Variants in RBPJ observed in about 807,000 individuals in gnomAD.
RBPJ encodes the protein recombination signal binding protein for immunoglobulin kappa J region.
A neutral mutation model predicts 67.8 loss-of-function variants in RBPJ; 9 were observed. The ratio of observed to expected loss-of-function variants is 0.13; its 90% CI spans 0.08 to 0.23. The LOEUF (loss-of-function observed/expected upper bound fraction) is 0.23, where lower values mean the gene tolerates loss of function less well. Ranked by LOEUF, RBPJ falls within the 10% of genes least tolerant of loss-of-function variation. The probability of loss-of-function intolerance (pLI) is 1.00; values close to 1 mark genes in which losing one functional copy is unlikely to be tolerated. For synonymous variants in RBPJ, 198 were observed against 203.3 expected, an observed-to-expected ratio of 0.97 and a Z score of 0.22; for missense variants, 305 against 595.6, an observed-to-expected ratio of 0.51 and a Z score of 5.08.
chr4:26,252,054 G>T lies in RBPJ; in HGVS notation c.-167+88440G>T, dbSNP rs1381067316. On this transcript the variant is annotated intron_variant, in intron 1 of 4. Transcript: ENST00000512351. The stretch of plus-strand genomic sequence containing the variant: ...TGTTTTGGGTTCTATCATTGCATAT[G>T]TAAAAACTATAACAAGTTTTAACTA... 2.7e-5 allele frequency among the ~76,000 whole-genome samples: 4 copies of T among 149,562 alleles called. No homozygotes were observed. In the East Asian group the frequency reaches 7.8e-4, roughly 29 times the overall value.
chr4:26,276,132 G>A (rs1280713071), intron 1 of RBPJ, among the ~76,000 whole-genome samples: 5 of 150,844 alleles, frequency 3.3e-5, no homozygotes, highest in East Asian at 2.0e-4. Context: ...AAAATTAGCC[G>A]AGCATGGTGG....
intron 1 of RBPJ, among the ~76,000 whole-genome samples, chr4:26,362,179 C>G (rs75846757): frequency 6.6e-6 from 1 of 152,164 alleles, no homozygotes; most frequent in Non-Finnish European, 1.5e-5. Flanking sequence ...TCAGACCAGT[C>G]TTTTAAGTAA....
At chr4:26,206,615 C>G (rs1718177471) in intron 1 of RBPJ, among the ~76,000 whole-genome samples, 1 of 152,064 alleles carries the variant, frequency 6.6e-6, no homozygotes, top group African/African-American at 2.4e-5. Context: ...AATGGGTTGC[C>G]AAGACCAATA....
At chr4:26,137,413 C>T in the RBPJ span, among the ~76,000 whole-genome samples, 1 of 152,164 alleles carries the variant, frequency 6.6e-6, no homozygotes, top group Non-Finnish European at 1.5e-5. Flanking sequence ...TCTTTCTTGG[C>T]TCTAAACAAA....
intron 1 of RBPJ, among the ~76,000 whole-genome samples, chr4:26,215,958 T>A (rs1305322721): frequency 1.3e-5 from 2 of 152,076 alleles, no homozygotes; most frequent in Non-Finnish European, 2.9e-5. Context: ...CAACAGAAAT[T>A]TACTCTGTCA....
chr4:26,238,960 G>A (rs1719544797), intron 1 of RBPJ, among the ~76,000 whole-genome samples: 1 of 152,114 alleles, frequency 6.6e-6, no homozygotes, highest in African/African-American at 2.4e-5. Flanking sequence ...AGCAGACGCA[G>A]AAGAAAACAC....
chr4:26,143,075 A>G, the RBPJ span, among the ~76,000 whole-genome samples: 2 of 152,190 alleles, frequency 1.3e-5, no homozygotes, highest in African/African-American at 4.8e-5. Context: ...GCATTTCACT[A>G]TGTAATGACT....
intron 1 of RBPJ, among the ~76,000 whole-genome samples, chr4:26,223,142 G>T (rs1420692910): frequency 7.0e-6 from 1 of 143,624 alleles, no homozygotes; most frequent in Non-Finnish European, 1.5e-5. Context: ...GCAACAGTGC[G>T]AGACACTGTC....
rs1367366216 is a variant in RBPJ, at chr4:26,422,535, A to G, written c.497-1807A>G. 1.3e-5 allele frequency among the ~76,000 whole-genome samples: 2 copies of G among 152,116 alleles called. 1 individual carries two copies. Among genetic ancestry groups the G allele is most frequent in the Non-Finnish European group, 2.9e-5 (2 of 68,020 alleles). On this transcript the variant is annotated intron_variant, in intron 5 of 10. Coordinates refer to ENST00000355476, the MANE Select transcript of RBPJ (RefSeq NM_015874.6). ...ATAATAACATTCCTTGAAAGTGACC[A>G]GTGGGGTTTTAGGGTTTTTGTTTTG...
Position 26,431,930 on chromosome 4 carries a change from G to T in RBPJ, c.*923G>T, listed in dbSNP as rs565340668. Reference sequence around the variant, plus strand: ...ATTTAGCTATTAATGAGTTAATGGCGCAGAACTTGTTGATATTTGAAGTGT... The same window carrying T: ...ATTTAGCTATTAATGAGTTAATGGCTCAGAACTTGTTGATATTTGAAGTGT... On this transcript the variant is annotated 3_prime_UTR_variant, in exon 11 of 11. Coordinates refer to ENST00000355476, the MANE Select transcript of RBPJ (RefSeq NM_015874.6). 1 of 152,136 alleles carries T rather than the reference G, an allele frequency of 6.6e-6. No individual in the cohort carries two copies. Among genetic ancestry groups the T allele is most frequent in the African/African-American group, 2.4e-5 (1 of 41,430 alleles). The allele number at this position is 152,136 out of a possible 1,614,324, so 9.4% of individuals were successfully genotyped here.
intron 1 of RBPJ, among the ~76,000 whole-genome samples, chr4:26,279,826 C>T (rs1352004444): frequency 1.6e-5 from 2 of 122,480 alleles, no homozygotes; most frequent in Admixed American, 9.9e-5. Context: ...CTTGTTTTGT[C>T]GCCCAGGCTG....
At chr4:26,417,445 G>A (rs1298120738) in intron 4 of RBPJ, among the ~76,000 whole-genome samples, 8 of 152,064 alleles carry the variant, frequency 5.3e-5, no homozygotes, top group Non-Finnish European at 1.0e-4. Flanking sequence ...CTAGAAACTG[G>A]CAGAAGAGGA....
At chr4:26,212,432 CTTTTTTTT>C (rs370447105) in intron 1 of RBPJ, among the ~76,000 whole-genome samples, 1 of 112,234 alleles carries the variant, frequency 8.9e-6, no homozygotes, top group African/African-American at 3.5e-5. Flanking sequence ...CTTTTCTTTT[CTTTTTTTT>C]TTTTTTTTTT....
chr4:26,222,909 A>G (rs1293401028), intron 1 of RBPJ, among the ~76,000 whole-genome samples: 5 of 151,926 alleles, frequency 3.3e-5, no homozygotes, highest in Non-Finnish European at 7.4e-5. Flanking sequence ...TAATTCCAGC[A>G]CTTTGGGAGG....
chr4:26,108,442 C>G, the RBPJ span, among the ~76,000 whole-genome samples: 1 of 152,148 alleles, frequency 6.6e-6, no homozygotes, highest in Non-Finnish European at 1.5e-5. Flanking sequence ...GGAGTCTGCA[C>G]TATACTGAGA....
chr4:26,123,341 A>C, the RBPJ span, among the ~76,000 whole-genome samples: 1 of 152,204 alleles, frequency 6.6e-6, no homozygotes, highest in Admixed American at 6.5e-5. Flanking sequence ...AAAATAGTAC[A>C]TCTGTATAGA....
At chr4:26,334,058 T>C (rs982443878) in intron 1 of RBPJ, among the ~76,000 whole-genome samples, 5 of 151,964 alleles carry the variant, frequency 3.3e-5, no homozygotes, top group Non-Finnish European at 7.4e-5. Context: ...TTTTTTTTTT[T>C]TTGATGGAGT....
chr4:26,389,551 A>G (rs914911574), intron 2 of RBPJ, among the ~76,000 whole-genome samples: 5 of 144,848 alleles, frequency 3.5e-5, no homozygotes, highest in Admixed American at 7.1e-5. Context: ...AAATTCTTCA[A>G]GCAGAAGGAT....
chr4:26,141,048 A>C, the RBPJ span, among the ~76,000 whole-genome samples: 1 of 152,166 alleles, frequency 6.6e-6, no homozygotes, highest in African/African-American at 2.4e-5. Flanking sequence ...TGTCTGGGGT[A>C]GATCCTGGAT....
Sources: allele counts gnomAD v4.1 joint callset (sites outside exome capture counted in the v4.1 genomes callset), GRCh38; gene constraint gnomAD v4.1.1; transcripts MANE v1.5; gene names NCBI Gene and HGNC (gene_info 2026-07-23, HGNC 2026-07-21).